The following NAV3 variants were observed in gnomAD, a reference collection of about 807,000 sequenced individuals.
The protein encoded by NAV3 is pore membrane and/or filament interacting like protein 1.
A neutral mutation model predicts 244.7 loss-of-function variants in NAV3; 87 were observed. The ratio of observed to expected loss-of-function variants is 0.36; its 90% CI spans 0.30 to 0.42. The LOEUF (loss-of-function observed/expected upper bound fraction) is 0.42, where lower values mean the gene tolerates loss of function less well. Ranked by LOEUF, NAV3 falls within the 20% of genes least tolerant of loss-of-function variation. The probability of loss-of-function intolerance (pLI) is 1.00; values close to 1 mark genes in which losing one functional copy is unlikely to be tolerated. For synonymous variants in NAV3, 1,126 were observed against 1,042.2 expected (o/e 1.08, Z -1.55); for missense variants, 2,663 against 2,893.3 (o/e 0.92, Z 1.83).
intron 9 of NAV3, among the ~76,000 whole-genome samples, chr12:78,025,140 T>C (rs1254877255): frequency 1.3e-5 from 2 of 152,194 alleles, no homozygotes; most frequent in South Asian, 2.1e-4. Context: ...ACTGCTCTTA[T>C]TGAAGTCACC....
intron 1 of NAV3, among the ~76,000 whole-genome samples, chr12:77,869,578 T>C (rs1323327507): frequency 6.6e-6 from 1 of 152,188 alleles, no homozygotes; most frequent in African/African-American, 2.4e-5. Flanking sequence ...TCCATTACTC[T>C]TAACCTCGTT....
At chr12:77,577,837 G>A (rs983142346) in intron 2 of NAV3, among the ~76,000 whole-genome samples, 3 of 151,950 alleles carry the variant, frequency 2.0e-5, no homozygotes, top group Non-Finnish European at 2.9e-5. Context: ...ATTTCATAAA[G>A]GAAAGAATAT....
chr12:78,074,730 G>T (rs1238992280), intron 12 of NAV3, among the ~76,000 whole-genome samples: 1 of 152,068 alleles, frequency 6.6e-6, no homozygotes, highest in East Asian at 1.9e-4. Flanking sequence ...ATGAAGATAT[G>T]AAGATATGAC....
At chr12:78,164,730 G>A (rs1047428344) in intron 23 of NAV3, among the ~76,000 whole-genome samples, 4 of 152,050 alleles carry the variant, frequency 2.6e-5, no homozygotes, top group Non-Finnish European at 5.9e-5. Flanking sequence ...GCATGGTGGA[G>A]TGGGGAAAGG....
At chr12:77,886,712 G>C (rs1319903210) in intron 1 of NAV3, among the ~76,000 whole-genome samples, 1 of 152,062 alleles carries the variant, frequency 6.6e-6, no homozygotes, top group East Asian at 1.9e-4. Flanking sequence ...AATCTTTCTG[G>C]ACTTGGATAT....
At chr12:77,934,144 T>C (rs573848823) in intron 1 of NAV3, among the ~76,000 whole-genome samples, 19 of 152,244 alleles carry the variant, frequency 1.2e-4, no homozygotes, top group African/African-American at 4.3e-4. Context: ...GGGTTGTTGA[T>C]TGTGGTTCCT....
intron 2 of NAV3, chr12:77,775,729 T>C (rs1354936205): frequency 6.6e-6 from 1 of 152,230 alleles, no homozygotes; most frequent in Non-Finnish European, 1.5e-5. Context: ...TGCACATTAG[T>C]GTACTATGAG....
At chr12:78,004,276 AAG>A (rs1566007911) in intron 7 of NAV3, among the ~76,000 whole-genome samples, 1 of 152,212 alleles carries the variant, frequency 6.6e-6, no homozygotes, top group African/African-American at 2.4e-5. Flanking sequence ...GGAATAAAGT[AAG>A]CAGTAGATGA....
intron 3 of NAV3, among the ~76,000 whole-genome samples, chr12:77,956,725 CTTATTTATTTATTTATTTAT>C (rs111942943): frequency 1.3e-5 from 2 of 149,504 alleles, no homozygotes; most frequent in Non-Finnish European, 3.0e-5. Flanking sequence ...TAAAATCCAA[CTTATTTATTTATTTATTTAT>C]TTATTTATTT....
At chr12:77,842,429 T>G (rs1282337851) in intron 1 of NAV3, among the ~76,000 whole-genome samples, 1 of 151,920 alleles carries the variant, frequency 6.6e-6, no homozygotes, top group Non-Finnish European at 1.5e-5. Context: ...ATTATTTTCT[T>G]GCTGGACCTG....
chr12:78,159,438 T>C, intron 23 of NAV3, 152 bp downstream of exon 23: 1 of 645,978 alleles, frequency 1.5e-6, no homozygotes. Flanking sequence ...CCAAGGTGGG[T>C]GGATCACTTA....
intron 3 of NAV3, among the ~76,000 whole-genome samples, chr12:77,957,042 C>T (rs1891432962): frequency 6.6e-6 from 1 of 152,148 alleles, no homozygotes; most frequent in Admixed American, 6.5e-5. Flanking sequence ...CACACCCAGG[C>T]CCAACTTAGC....
intron 1 of NAV3, among the ~76,000 whole-genome samples, chr12:77,893,169 C>T (rs1177562567): frequency 6.6e-6 from 1 of 151,796 alleles, no homozygotes; most frequent in Non-Finnish European, 1.5e-5. Flanking sequence ...TGCAAAGAAA[C>T]AAAAAGGAAT....
intron 2 of NAV3, among the ~76,000 whole-genome samples, chr12:77,640,066 G>C (rs1872339023): frequency 6.6e-6 from 1 of 152,078 alleles, no homozygotes; most frequent in African/African-American, 2.4e-5. Context: ...AGAGATTAAG[G>C]CTTGTTGATG....
At chr12:77,977,704 A>C (rs1460931119) in intron 5 of NAV3, among the ~76,000 whole-genome samples, 1 of 91,058 alleles carries the variant, frequency 1.1e-5, no homozygotes. Flanking sequence ...ACACACACAC[A>C]CACACGCGCA....
At chr12:77,867,227 G>A (rs1880183289) in intron 1 of NAV3, among the ~76,000 whole-genome samples, 1 of 152,122 alleles carries the variant, frequency 6.6e-6, no homozygotes, top group African/African-American at 2.4e-5. Flanking sequence ...AGTCTCATGA[G>A]ATCCGATGGT....
intron 12 of NAV3, among the ~76,000 whole-genome samples, chr12:78,059,906 A>G (rs915856050): frequency 1.4e-4 from 22 of 152,028 alleles, no homozygotes; most frequent in Admixed American, 1.1e-3. Context: ...TAAACATAGA[A>G]AAACTCTTAC....
chr12:78,071,834 T>C (rs1304546169), intron 12 of NAV3, among the ~76,000 whole-genome samples: 1 of 152,194 alleles, frequency 6.6e-6, no homozygotes, highest in East Asian at 1.9e-4. Context: ...TAACAAACTA[T>C]CTCTCAGACC....
chr12:78,199,493 G>A lies in NAV3; in HGVS notation c.6677G>A (p.Ser2226Asn), dbSNP rs1179838865. The A allele has an allele frequency of 6.2e-7, 1 of 1,602,032 alleles. No homozygotes were observed. The change falls in exon 37 of 40, where the codon AGT (serine) becomes AAT (asparagine). Residue 2226 changes from serine (S) to asparagine (N), a missense_variant. Ser to Asn is a conservative substitution (Grantham distance 46). Transcript: ENST00000397909. Reference protein sequence around the residue: ...WIPKTWHHLNSFLETHSSSDV... With the variant: ...WIPKTWHHLNNFLETHSSSDV... ...CCGAAGACGTGGCATCATCTCAACA[G>A]TTTTTTGGAAACACACAGTTCTTCT...
Sources: gnomAD v4.1 joint callset for allele counts (sites outside exome capture counted in the v4.1 genomes callset) on GRCh38, gnomAD v4.1.1 for gene constraint, MANE v1.5 for transcripts, NCBI Gene and HGNC (gene_info 2026-07-23, HGNC 2026-07-21) for gene names.